TPST1: variants seen among roughly 807,000 people sequenced by gnomAD.
TPST1 encodes tyrosylprotein sulfotransferase 1.
A neutral mutation model predicts 34.8 loss-of-function variants in TPST1; 20 were observed. That is an observed-to-expected ratio of 0.57 (90% CI 0.40 to 0.84). The LOEUF (loss-of-function observed/expected upper bound fraction) is 0.84, where lower values mean the gene tolerates loss of function less well. Among genes scored for constraint, TPST1 ranks in the 40% least tolerant of loss-of-function variants. TPST1 has a pLI of 0.00. For missense variants in TPST1, 353 were observed against 455.5 expected, an observed-to-expected ratio of 0.78 and a Z score of 2.05; for synonymous variants, 152 against 159.4, an observed-to-expected ratio of 0.95 and a Z score of 0.35.
chr7:66,245,937 CTGTT>C (rs948319810), intron 2 of TPST1, among the ~76,000 whole-genome samples: 2 of 151,744 alleles, frequency 1.3e-5, no homozygotes, highest in African/African-American at 2.4e-5. Context: ...GAGAACAAGT[CTGTT>C]TATTTGTGAA....
chr7:66,336,548 A>G (rs1047041377), intron 3 of TPST1, among the ~76,000 whole-genome samples: 3 of 152,200 alleles, frequency 2.0e-5, no homozygotes, highest in African/African-American at 7.2e-5. Flanking sequence ...AACATATGAA[A>G]TTACCCATTC....
At chr7:66,241,382 A>G (rs1190629683) in intron 2 of TPST1, 112 bp downstream of exon 2, 4 of 1,319,006 alleles carry the variant, frequency 3.0e-6, no homozygotes, top group East Asian at 5.2e-5. Context: ...GTGTGTATAT[A>G]TAGAAACTGA....
chr7:66,234,546 AG>A (rs1356666173), intron 1 of TPST1, among the ~76,000 whole-genome samples: 13 of 152,168 alleles, frequency 8.5e-5, no homozygotes, highest in African/African-American at 2.7e-4. Context: ...GGAAGCCTGC[AG>A]AATTTTTCGT....
In TPST1 at chr7:66,257,893, A is replaced by G. The variant is rs571463368; in HGVS notation, c.845+16623A>G. On this transcript the variant is annotated intron_variant, in intron 2 of 5. Transcript: ENST00000304842. ...CCAAGTAGCCCACCACAAAGGTTGT[A>G]TTTTGTCAAATTGAAGGAGTCATCT... Among the ~76,000 whole-genome samples, 6 of 152,332 alleles carry G rather than the reference A, an allele frequency of 3.9e-5. No individual in the cohort carries two copies. In the East Asian group the frequency reaches 1.2e-3, roughly 29 times the overall value.
chr7:66,307,583 T>C (rs1232821175), intron 3 of TPST1, among the ~76,000 whole-genome samples: 1 of 152,240 alleles, frequency 6.6e-6, no homozygotes, highest in Non-Finnish European at 1.5e-5. Context: ...CCTTTTTAGA[T>C]GGAAGCGGTC....
the TPST1 span, among the ~76,000 whole-genome samples, chr7:66,199,623 A>G: frequency 1.3e-5 from 2 of 151,508 alleles, no homozygotes; most frequent in Admixed American, 6.6e-5. Context: ...GGGACTCCCC[A>G]TCTCTGCCAT....
chr7:66,261,890 A>C (rs1174269596), intron 2 of TPST1, among the ~76,000 whole-genome samples: 1 of 152,178 alleles, frequency 6.6e-6, no homozygotes, highest in African/African-American at 2.4e-5. Flanking sequence ...AAGTGCTATA[A>C]ATGTGTGTTA....
chr7:66,272,371 G>A (rs138083688), intron 2 of TPST1, among the ~76,000 whole-genome samples: 234 of 152,128 alleles, frequency 1.5e-3, no homozygotes, highest in African/African-American at 5.4e-3. Context: ...GACAAAAATC[G>A]TATGATCACC....
intron 3 of TPST1, among the ~76,000 whole-genome samples, chr7:66,345,046 A>T (rs568150117): frequency 6.6e-6 from 1 of 152,134 alleles, no homozygotes; most frequent in African/African-American, 2.4e-5. Context: ...AATTAAAAAA[A>T]ATATGTGTAT....
At chr7:66,227,027 G>GATTTTTT (rs1390977469) in intron 1 of TPST1, among the ~76,000 whole-genome samples, 1 of 46,034 alleles carries the variant, frequency 2.2e-5, no homozygotes, top group Non-Finnish European at 4.2e-5. Context: ...CTTAAAATAA[G>GATTTTTT]CTTTTTTTTT....
At chr7:66,217,740 A>G (rs1270971685) in intron 1 of TPST1, among the ~76,000 whole-genome samples, 1 of 151,620 alleles carries the variant, frequency 6.6e-6, no homozygotes, top group African/African-American at 2.4e-5. Flanking sequence ...GTGTGCCACC[A>G]TGCCTGGCTA....
chr7:66,252,900 T>C (rs1022773755), intron 2 of TPST1, among the ~76,000 whole-genome samples: 1 of 152,204 alleles, frequency 6.6e-6, no homozygotes, highest in Non-Finnish European at 1.5e-5. Context: ...TATTTTCTTG[T>C]GTGAGGTGCA....
chr7:66,264,893 C>G (rs981773974), intron 2 of TPST1, among the ~76,000 whole-genome samples: 4 of 152,036 alleles, frequency 2.6e-5, no homozygotes. Context: ...AAAACCATAT[C>G]TTAAACAAAA....
intron 1 of TPST1, among the ~76,000 whole-genome samples, chr7:66,216,753 C>T (rs1034541655): frequency 6.6e-6 from 1 of 152,228 alleles, no homozygotes; most frequent in Non-Finnish European, 1.5e-5. Context: ...CAGGCGTAAG[C>T]CATTGCACCC....
intron 4 of TPST1, 94 bp from the exon 5 acceptor site, chr7:66,356,731 C>A: frequency 7.0e-7 from 1 of 1,436,892 alleles, no homozygotes; most frequent in Non-Finnish European, 9.8e-7. Context: ...GTGAACAGAG[C>A]CTGCGGGCCA....
chr7:66,223,458 CAAAAAA>C (rs34400889), intron 1 of TPST1, among the ~76,000 whole-genome samples: 2 of 59,246 alleles, frequency 3.4e-5, no homozygotes, highest in African/African-American at 6.9e-5. Flanking sequence ...GACCCTGTCT[CAAAAAA>C]AAAAAAAAAA....
At chr7:66,209,321 G>A (rs1028950566) in intron 1 of TPST1, among the ~76,000 whole-genome samples, 1 of 152,140 alleles carries the variant, frequency 6.6e-6, no homozygotes, top group African/African-American at 2.4e-5. Context: ...CTGGTAATTT[G>A]GAAAGGCTGG....
intron 2 of TPST1, among the ~76,000 whole-genome samples, chr7:66,256,879 A>G (rs982766414): frequency 6.6e-6 from 1 of 152,174 alleles, no homozygotes; most frequent in Admixed American, 6.5e-5. Context: ...ATTCTGTTAC[A>G]GCATCAGCTC....
intron 5 of TPST1, among the ~76,000 whole-genome samples, chr7:66,358,687 C>T (rs963623588): frequency 3.3e-5 from 5 of 152,188 alleles, no homozygotes; most frequent in South Asian, 2.1e-4. Flanking sequence ...TTCCTTTTTG[C>T]TGAGGAGCAA....
Sources: gnomAD v4.1 joint callset for allele counts (sites outside exome capture counted in the v4.1 genomes callset) on GRCh38, gnomAD v4.1.1 for gene constraint, MANE v1.5 for transcripts, NCBI Gene and HGNC (gene_info 2026-07-23, HGNC 2026-07-21) for gene names.